Variants in GFRA1 observed in about 807,000 individuals in gnomAD.
GFRA1 encodes GDNF family receptor alpha 1.
GFRA1 carries 16 observed loss-of-function variants against 51.6 expected under a neutral mutation model. The observed-to-expected ratio is 0.31, with a 90% confidence interval of 0.21 to 0.47. GFRA1 has a LOEUF of 0.47. GFRA1 is among the 20% of genes least tolerant of loss of function. The probability of loss-of-function intolerance (pLI) is 1.00; values close to 1 mark genes in which losing one functional copy is unlikely to be tolerated. For synonymous variants in GFRA1, 270 were observed against 241.3 expected (o/e 1.12, Z -1.10); for missense variants, 530 against 594.3 (o/e 0.89, Z 1.13).
chr10:116,091,298 A>G (rs180972282), intron 8 of GFRA1, among the ~76,000 whole-genome samples: 1 of 152,262 alleles, frequency 6.6e-6, no homozygotes, highest in African/African-American at 2.4e-5. Flanking sequence ...GTGAACAACA[A>G]CATCAACAAA....
At chr10:116,179,015 G>A (rs1236102553) in intron 5 of GFRA1, among the ~76,000 whole-genome samples, 8 of 152,104 alleles carry the variant, frequency 5.3e-5, no homozygotes, top group Admixed American at 3.9e-4. Flanking sequence ...CCCGGTTACC[G>A]ACTGCTGGTG....
intron 5 of GFRA1, among the ~76,000 whole-genome samples, chr10:116,169,525 G>T (rs181415454): frequency 6.6e-6 from 1 of 152,208 alleles, no homozygotes; most frequent in Non-Finnish European, 1.5e-5. Context: ...GGAGCAGAGC[G>T]CTGTGGCAGA....
chr10:116,199,998 C>T (rs1248942425), intron 5 of GFRA1, among the ~76,000 whole-genome samples: 1 of 152,180 alleles, frequency 6.6e-6, no homozygotes, highest in Non-Finnish European at 1.5e-5. Context: ...GAAGGACTGC[C>T]TTCACTCAGT....
At position 116,271,086 on chromosome 10, in the gene GFRA1, C is replaced by G. The variant is rs200978034; in HGVS notation, c.70G>C (p.Gly24Arg). The G allele has an allele frequency of 6.2e-7, 1 of 1,608,780 alleles. No individual in the cohort carries two copies. Among genetic ancestry groups the G allele is most frequent in the Non-Finnish European group, 8.5e-7 (1 of 1,175,652 alleles). ...GCTTTCACGCAATCCAGGCGGTCTCCGCCGCTCACTTCGGCCGACAGGAGC... is the reference window on the plus strand; with the variant it reads ...GCTTTCACGCAATCCAGGCGGTCTCGGCCGCTCACTTCGGCCGACAGGAGC... ...DLLLSAEVSG[G>R]DRLDCVKASD... is the part of the protein sequence containing the mutation. Residue 24 changes from glycine to arginine, a missense_variant, in exon 3 of 11, where the codon GGA becomes CGA. Transcript: ENST00000355422.
intron 3 of GFRA1, among the ~76,000 whole-genome samples, chr10:116,270,278 T>C (rs1406299393): frequency 6.6e-6 from 1 of 152,210 alleles, no homozygotes; most frequent in Non-Finnish European, 1.5e-5. Flanking sequence ...GGTTCAAGAC[T>C]CAGCTAATCT....
chr10:116,263,064 G>T (rs570083073), intron 4 of GFRA1, among the ~76,000 whole-genome samples: 1 of 152,292 alleles, frequency 6.6e-6, no homozygotes, highest in South Asian at 2.1e-4. Flanking sequence ...TTCCCCACAG[G>T]GTAGCTAAGC....
At chr10:116,167,835 C>T (rs1960633057) in intron 5 of GFRA1, among the ~76,000 whole-genome samples, 1 of 152,128 alleles carries the variant, frequency 6.6e-6, no homozygotes, top group South Asian at 2.1e-4. Context: ...AGAAGCACTG[C>T]TATGAAATAC....
intron 6 of GFRA1, among the ~76,000 whole-genome samples, chr10:116,118,381 C>A (rs1156961725): frequency 6.6e-6 from 1 of 152,206 alleles, no homozygotes; most frequent in African/African-American, 2.4e-5. Flanking sequence ...AAATCCAGCA[C>A]CCCTCTGACA....
intron 9 of GFRA1, among the ~76,000 whole-genome samples, chr10:116,077,208 A>C (rs1433099466): frequency 6.6e-6 from 1 of 152,204 alleles, no homozygotes; most frequent in Non-Finnish European, 1.5e-5. Context: ...CTTGGAAAAT[A>C]GGCTTATTCT....
At chr10:116,165,751 G>A (rs1447809005) in intron 5 of GFRA1, among the ~76,000 whole-genome samples, 1 of 151,906 alleles carries the variant, frequency 6.6e-6, no homozygotes, top group Non-Finnish European at 1.5e-5. Flanking sequence ...AGAGGGGCTT[G>A]AAGGGAGAGG....
At chr10:116,146,080 T>C (rs1357729829) in intron 5 of GFRA1, among the ~76,000 whole-genome samples, 1 of 152,010 alleles carries the variant, frequency 6.6e-6, no homozygotes, top group African/African-American at 2.4e-5. Context: ...ATTCACATAT[T>C]TATATATTTA....
intron 5 of GFRA1, among the ~76,000 whole-genome samples, chr10:116,135,349 A>G (rs1385416085): frequency 6.6e-6 from 1 of 152,236 alleles, no homozygotes; most frequent in Non-Finnish European, 1.5e-5. Context: ...TATTTAACTT[A>G]GCATTTAAAT....
chr10:116,069,695 G>A (rs1320867059), intron 9 of GFRA1, among the ~76,000 whole-genome samples: 3 of 152,244 alleles, frequency 2.0e-5, no homozygotes, highest in African/African-American at 7.2e-5. Context: ...AGTCAGAGCA[G>A]TGCCTCTCCT....
chr10:116,090,352 A>G (rs536441505), intron 8 of GFRA1, among the ~76,000 whole-genome samples: 1 of 151,648 alleles, frequency 6.6e-6, no homozygotes, highest in Non-Finnish European at 1.5e-5. Flanking sequence ...AGTGCTTTTT[A>G]AAAAAAATCC....
chr10:116,139,576 T>C (rs1182241837), intron 5 of GFRA1, among the ~76,000 whole-genome samples: 1 of 152,234 alleles, frequency 6.6e-6, no homozygotes, highest in Non-Finnish European at 1.5e-5. Context: ...TTCCCTCCGC[T>C]TTGTGCCTGG....
intron 4 of GFRA1, among the ~76,000 whole-genome samples, chr10:116,221,137 G>T (rs1348770127): frequency 6.6e-6 from 1 of 152,098 alleles, no homozygotes; most frequent in Non-Finnish European, 1.5e-5. Flanking sequence ...TACATAGACT[G>T]CCTGAATCCT....
At position 116,191,205 on chromosome 10, in the gene GFRA1, C is replaced by T. The variant is rs937530624; in HGVS notation, c.433+20426G>A. Among the ~76,000 whole-genome samples the T allele has an allele frequency of 4.1e-4, 62 of 152,192 alleles. 1 individual carries two copies. The highest frequency in any genetic ancestry group is 1.4e-3 in the African/African-American group (60 of 41,438). ...TAGTCAGCAAAAAAAACCCACAGTA[C>T]TAGTTATGCTAGAACTGTGTTGAGT... On this transcript the variant is annotated intron_variant, in intron 5 of 10. Coordinates refer to ENST00000355422, the MANE Select transcript of GFRA1 (RefSeq NM_005264.8).
intron 4 of GFRA1, among the ~76,000 whole-genome samples, chr10:116,263,904 C>T (rs1044784253): frequency 3.9e-5 from 6 of 152,168 alleles, no homozygotes; most frequent in African/African-American, 4.8e-5. Context: ...ATGGAAGGGA[C>T]GGAGATGACT....
chr10:116,203,350 A>G (rs1285580630), intron 5 of GFRA1, among the ~76,000 whole-genome samples: 1 of 152,212 alleles, frequency 6.6e-6, no homozygotes, highest in African/African-American at 2.4e-5. Context: ...GGGTTCAAGC[A>G]GCCCCCACTC....
Sources: gnomAD v4.1 joint callset for allele counts (sites outside exome capture counted in the v4.1 genomes callset) on GRCh38, gnomAD v4.1.1 for gene constraint, MANE v1.5 for transcripts, NCBI Gene and HGNC (gene_info 2026-07-23, HGNC 2026-07-21) for gene names.